The following RTN4IP1 variants were observed in gnomAD, a reference collection of about 807,000 sequenced individuals.
RTN4IP1 encodes NAD(P)H oxidoreductase RTN4IP1, mitochondrial.
A neutral mutation model predicts 46.6 loss-of-function variants in RTN4IP1; 32 were observed. The ratio of observed to expected loss-of-function variants is 0.69; its 90% CI spans 0.52 to 0.92. RTN4IP1 has a LOEUF of 0.92. RTN4IP1 is among the 40% of genes least tolerant of loss of function. The probability of loss-of-function intolerance (pLI) is 0.00; values close to 1 mark genes in which losing one functional copy is unlikely to be tolerated. For missense variants in RTN4IP1, 424 were observed against 485.8 expected, an observed-to-expected ratio of 0.87 and a Z score of 1.20; for synonymous variants, 167 against 161.8, an observed-to-expected ratio of 1.03 and a Z score of -0.24.
In RTN4IP1 at chr6:106,622,978, TAC is replaced by T. The variant is rs540970735; in HGVS notation, c.275-11_275-10del. 5.5e-4 allele frequency: 892 copies of T among 1,613,288 alleles called. 7 individuals are homozygous for T. The African/African-American group carries it at 0.011, about 19-fold the overall frequency. On this transcript the variant is annotated splice_polypyrimidine_tract_variant and intron_variant, in intron 1 of 8. Coordinates refer to ENST00000369063, the MANE Select transcript of RTN4IP1 (RefSeq NM_032730.5). ...TGTAGCTCCATAACCACCTGTAAAATACAATTTATCTGTTTCCTCCAAATGTA... is the reference window on the plus strand; with the variant it reads ...TGTAGCTCCATAACCACCTGTAAAATAATTTATCTGTTTCCTCCAAATGTA...
chr6:106,627,910 A>G (rs1776690550), intron 1 of RTN4IP1, among the ~76,000 whole-genome samples: 1 of 147,504 alleles, frequency 6.8e-6, no homozygotes, highest in South Asian at 2.2e-4. Flanking sequence ...TTCTATAAAA[A>G]TACAAAAATT....
intron 5 of RTN4IP1, among the ~76,000 whole-genome samples, chr6:106,601,948 T>G (rs190228631): frequency 6.6e-6 from 1 of 152,096 alleles, no homozygotes; most frequent in Admixed American, 6.6e-5. Flanking sequence ...TGATGTGAGG[T>G]AGGGGCTCAA....
intron 4 of RTN4IP1, among the ~76,000 whole-genome samples, chr6:106,606,262 T>C (rs1776071191): frequency 6.6e-6 from 1 of 151,708 alleles, no homozygotes; most frequent in Admixed American, 6.6e-5. Context: ...CTCTACTAAA[T>C]ACAAAAATTA....
intron 4 of RTN4IP1, among the ~76,000 whole-genome samples, chr6:106,610,621 G>A (rs17067435): frequency 0.05 from 7,646 of 152,070 alleles, 401 homozygotes; most frequent in East Asian, 0.2. Context: ...GTGAAGAAAC[G>A]TGTGCTGTAT....
intron 4 of RTN4IP1, among the ~76,000 whole-genome samples, chr6:106,614,710 G>C (rs1468045104): frequency 6.6e-6 from 1 of 152,154 alleles, no homozygotes; most frequent in Non-Finnish European, 1.5e-5. Context: ...ACTTCAGAGA[G>C]ATCAAATTAA....
At chr6:106,592,428 G>A (rs534160850) in intron 5 of RTN4IP1, 128 bp from the exon 6 acceptor site, 27 of 946,214 alleles carry the variant, frequency 2.9e-5, no homozygotes, top group African/African-American at 1.5e-4. Flanking sequence ...CTTTAAGTAC[G>A]TCATCTTAAC....
At chr6:106,623,760 T>G (rs72945079) in intron 1 of RTN4IP1, among the ~76,000 whole-genome samples, 1 of 152,234 alleles carries the variant, frequency 6.6e-6, no homozygotes, top group Non-Finnish European at 1.5e-5. Context: ...ATGATGTCTT[T>G]ATTAACGTAT....
chr6:106,628,262 T>TC (rs1234467225), intron 1 of RTN4IP1, among the ~76,000 whole-genome samples: 1 of 151,810 alleles, frequency 6.6e-6, no homozygotes, highest in African/African-American at 2.4e-5. Context: ...GGTCAGGAGT[T>TC]CGAGACCAGC....
intron 7 of RTN4IP1, among the ~76,000 whole-genome samples, chr6:106,583,834 A>G (rs981900509): frequency 3.3e-5 from 5 of 152,222 alleles, no homozygotes; most frequent in Non-Finnish European, 7.3e-5. Context: ...CCAAATTCAA[A>G]AATGTTTTGG....
intron 4 of RTN4IP1, among the ~76,000 whole-genome samples, chr6:106,617,010 T>C (rs1309190210): frequency 4.0e-5 from 6 of 150,746 alleles, no homozygotes; most frequent in Admixed American, 3.3e-4. Context: ...TTTGTGCTCT[T>C]ATAAGAGAGA....
In RTN4IP1 at chr6:106,576,189, G is replaced by A. The variant is rs77199330; in HGVS notation, c.1084-4086C>T. On this transcript the variant is annotated intron_variant, in intron 8 of 8. Coordinates refer to ENST00000369063, the MANE Select transcript of RTN4IP1 (RefSeq NM_032730.5). ...GAGGTGAATTTTGCTCTCAGTTGCT[G>A]TTTCTCGGAAACTTCCTGCCCCAGA... Among the ~76,000 whole-genome samples, 19 of 152,282 alleles carry A rather than the reference G, an allele frequency of 1.2e-4. No homozygotes were observed. The East Asian group carries it at 3.7e-3, about 29-fold the overall frequency.
At chr6:106,601,890 T>G (rs575973657) in intron 5 of RTN4IP1, among the ~76,000 whole-genome samples, 1 of 152,328 alleles carries the variant, frequency 6.6e-6, no homozygotes, top group East Asian at 1.9e-4. Context: ...GGATAATAGG[T>G]GTGAACCACC....
chr6:106,598,513 C>T (rs1469756950), intron 5 of RTN4IP1, among the ~76,000 whole-genome samples: 6 of 150,716 alleles, frequency 4.0e-5, no homozygotes, highest in Admixed American at 4.0e-4. Context: ...AGTGTCTGTT[C>T]ATGTCCTTCG....
At chr6:106,612,412 A>G (rs914916601) in intron 4 of RTN4IP1, among the ~76,000 whole-genome samples, 1 of 144,546 alleles carries the variant, frequency 6.9e-6, no homozygotes, top group Non-Finnish European at 1.5e-5. Flanking sequence ...AAAAAAAAAA[A>G]GCTTGTGATG....
intron 8 of RTN4IP1, among the ~76,000 whole-genome samples, chr6:106,582,835 T>C (rs1775401651): frequency 6.6e-6 from 1 of 152,134 alleles, no homozygotes; most frequent in Non-Finnish European, 1.5e-5. Context: ...CAGACACTAG[T>C]AGGCAGAGTA....
At chr6:106,585,081 A>G (rs998687164) in intron 7 of RTN4IP1, among the ~76,000 whole-genome samples, 1 of 152,192 alleles carries the variant, frequency 6.6e-6, no homozygotes, top group Non-Finnish European at 1.5e-5. Context: ...GTTCATCTCT[A>G]TTACCCAAGG....
intron 4 of RTN4IP1, among the ~76,000 whole-genome samples, chr6:106,605,164 G>A (rs1244918158): frequency 1.3e-5 from 2 of 152,146 alleles, no homozygotes; most frequent in Non-Finnish European, 2.9e-5. Flanking sequence ...GGCCAAGCGC[G>A]GTAGCTCATG....
chr6:106,592,346 A>T lies in RTN4IP1; in HGVS notation c.670-46T>A, dbSNP rs904913626. 19 of 1,587,662 alleles carry T rather than the reference A, an allele frequency of 1.2e-5. No individual in the cohort carries two copies. The Middle Eastern group carries it at 5.0e-4, about 42-fold the overall frequency. ...AAAAAGAATAAAAAAGGGAGAGATT[A>T]GAAAAACTGACTGCATTGAAAAAAA... On this transcript the variant is annotated intron_variant, in intron 5 of 8. Transcript: ENST00000369063.
intron 4 of RTN4IP1, among the ~76,000 whole-genome samples, chr6:106,608,616 A>C (rs1776144812): frequency 6.6e-6 from 1 of 152,244 alleles, no homozygotes; most frequent in Admixed American, 6.5e-5. Flanking sequence ...TGTGTACATT[A>C]CATATCAACT....
Sources: gnomAD v4.1 joint callset for allele counts (sites outside exome capture counted in the v4.1 genomes callset) on GRCh38, gnomAD v4.1.1 for gene constraint, MANE v1.5 for transcripts, NCBI Gene and HGNC (gene_info 2026-07-23, HGNC 2026-07-21) for gene names.